Variants in AFF2 observed in about 807,000 individuals in gnomAD.
The protein encoded by AFF2 is ALF transcription elongation factor 2, also known as AF4/FMR2 family member 2.
AFF2 carries 14 observed loss-of-function variants against 76.9 expected under a neutral mutation model. The observed-to-expected ratio is 0.18, with a 90% confidence interval of 0.12 to 0.28. AFF2 has a LOEUF of 0.28. Among genes scored for constraint, AFF2 ranks in the 10% least tolerant of loss-of-function variants. The pLI is 1.00. For missense variants in AFF2, 868 were observed against 1,001.1 expected, an observed-to-expected ratio of 0.87 and a Z score of 1.79; for synonymous variants, 398 against 366.7, an observed-to-expected ratio of 1.09 and a Z score of -0.98.
At chrX:148,832,226 C>G (rs2124661049) in intron 4 of AFF2, among the ~76,000 whole-genome samples, 1 of 111,802 alleles carries the variant, frequency 8.9e-6, no homozygotes, top group East Asian at 2.8e-4. Flanking sequence ...GAGGGCCCCT[C>G]CAATGGAAGT....
intron 3 of AFF2, among the ~76,000 whole-genome samples, chrX:148,701,511 G>A (rs182589851): frequency 1.2e-3 from 135 of 112,092 alleles, no homozygotes; most frequent in Middle Eastern, 9.1e-3. Flanking sequence ...AATCCAGGAA[G>A]AATCTGCATT....
At position 148,662,321 on chromosome X, in the gene AFF2, C is replaced by G. The variant is rs2054315212; in HGVS notation, c.594C>G (p.Val198=). 8.3e-7 allele frequency: 1 copy of G among 1,210,330 alleles called. No homozygotes were observed. Among genetic ancestry groups the G allele is most frequent in the African/African-American group, 1.7e-5 (1 of 57,249 alleles). The part of the protein sequence containing the change: ...QSQAKLEDFF[V]YPAEQPQIGE... ...AAGCCAAACTGGAAGACTTCTTTGTCTACCCAGCTGAACAGCCCCAGATTG... is the reference window on the plus strand; with the variant it reads ...AAGCCAAACTGGAAGACTTCTTTGTGTACCCAGCTGAACAGCCCCAGATTG... Residue 198 remains valine, a synonymous_variant, in exon 3 of 21, where the codon GTC becomes GTG. Coordinates refer to ENST00000370460, the MANE Select transcript of AFF2 (RefSeq NM_002025.4).
At chrX:148,850,881 C>T (rs1222917413) in intron 7 of AFF2, among the ~76,000 whole-genome samples, 1 of 111,513 alleles carries the variant, frequency 9.0e-6, no homozygotes, top group Non-Finnish European at 1.9e-5. Flanking sequence ...GCCTTGTGCC[C>T]AGATTCCCCA....
chrX:148,929,195 T>C (rs1452705875), intron 9 of AFF2, among the ~76,000 whole-genome samples: 1 of 112,605 alleles, frequency 8.9e-6, no homozygotes, highest in Non-Finnish European at 1.9e-5. Context: ...TGCAAGTCTT[T>C]TAGCATGTAT....
At chrX:148,558,130 G>C (rs1229177360) in intron 1 of AFF2, among the ~76,000 whole-genome samples, 4 of 112,268 alleles carry the variant, frequency 3.6e-5, no homozygotes, top group African/African-American at 1.3e-4. Context: ...AGGAAGGACT[G>C]TTCAGCCATT....
chrX:148,524,123 C>CTGTGTGTGTG (rs59890095), intron 1 of AFF2, among the ~76,000 whole-genome samples: 20 of 83,463 alleles, frequency 2.4e-4, no homozygotes, highest in African/African-American at 1.0e-3. Flanking sequence ...CTCTCTCTCT[C>CTGTGTGTGTG]TGTGTGTGTG....
intron 19 of AFF2, among the ~76,000 whole-genome samples, chrX:148,983,739 T>G (rs782631584): frequency 5.5e-5 from 6 of 109,181 alleles, no homozygotes; most frequent in African/African-American, 2.0e-4. Flanking sequence ...AGTGCCTACC[T>G]TGTGTGAGAC....
intron 1 of AFF2, among the ~76,000 whole-genome samples, chrX:148,614,049 A>G (rs1208462843): frequency 2.7e-5 from 3 of 112,179 alleles, no homozygotes; most frequent in Non-Finnish European, 5.6e-5. Context: ...TAAATAAGAT[A>G]TGTAAGAATT....
intron 1 of AFF2, among the ~76,000 whole-genome samples, chrX:148,614,224 A>G (rs1557249873): frequency 8.9e-6 from 1 of 112,122 alleles, no homozygotes; most frequent in Non-Finnish European, 1.9e-5. Context: ...AGCTTAATTT[A>G]CACACAATTT....
chrX:148,707,761 T>C (rs2054904538), intron 3 of AFF2, among the ~76,000 whole-genome samples: 1 of 111,757 alleles, frequency 8.9e-6, no homozygotes, highest in Non-Finnish European at 1.9e-5. Context: ...TTCTTTAAAC[T>C]ACAATAAATC....
chrX:148,638,482 C>T (rs1431266370), intron 1 of AFF2, among the ~76,000 whole-genome samples: 1 of 111,570 alleles, frequency 9.0e-6, no homozygotes, highest in Admixed American at 9.5e-5. Flanking sequence ...CCAACCAGGT[C>T]CTTCCCTTGA....
Position 148,962,842 on chromosome X carries a change from G to A in AFF2, c.2818G>A (p.Asp940Asn), listed in dbSNP as rs782421920. 1 of 1,210,778 alleles carries A rather than the reference G, an allele frequency of 8.3e-7. No homozygotes were observed. Among genetic ancestry groups the A allele is most frequent in the Non-Finnish European group, 1.1e-6 (1 of 894,532 alleles). The change falls in exon 13 of 21, where the codon GAC becomes AAC. Residue 940 changes from aspartate (D) to asparagine (N), a missense_variant. Physicochemically the swap from Asp to Asn is conservative, Grantham distance 23. Transcript: ENST00000370460. The stretch of plus-strand genomic sequence containing the variant: ...TGGCAATAATGGTCCCTTTGGTCAA[G>A]ACAAAAACATCGCCATGACTGGACA... The part of the protein sequence containing the change: ...VSGNNGPFGQ[D>N]KNIAMTGQIT...
chrX:148,855,887 A>G, intron 7 of AFF2, among the ~76,000 whole-genome samples: 1 of 112,238 alleles, frequency 8.9e-6, no homozygotes, highest in Non-Finnish European at 1.9e-5. Context: ...CCTGGTACGT[A>G]GGAATTTTTT....
intron 3 of AFF2, among the ~76,000 whole-genome samples, chrX:148,671,839 G>A (rs1275455690): frequency 9.1e-6 from 1 of 109,655 alleles, no homozygotes; most frequent in Admixed American, 9.8e-5. Context: ...TGTAGACTCA[G>A]CACATAGCCT....
At chrX:148,667,161 G>A (rs2054368912) in intron 3 of AFF2, among the ~76,000 whole-genome samples, 2 of 112,174 alleles carry the variant, frequency 1.8e-5, no homozygotes, top group South Asian at 3.7e-4. Context: ...AAATGGTGTG[G>A]GATTTGTCTG....
At chrX:148,633,121 G>T (rs1184087341) in intron 1 of AFF2, among the ~76,000 whole-genome samples, 1 of 111,815 alleles carries the variant, frequency 8.9e-6, no homozygotes, top group African/African-American at 3.3e-5. Context: ...TCAAAAGTCA[G>T]AGTTCCAGGA....
chrX:148,759,759 G>T (rs781938110), intron 3 of AFF2, among the ~76,000 whole-genome samples: 1 of 112,015 alleles, frequency 8.9e-6, no homozygotes, highest in African/African-American at 3.2e-5. Context: ...ATTCTCCCTA[G>T]ATCTATCATA....
chrX:148,609,264 G>A (rs1370107174), intron 1 of AFF2, among the ~76,000 whole-genome samples: 1 of 111,763 alleles, frequency 8.9e-6, no homozygotes, highest in Non-Finnish European at 1.9e-5. Flanking sequence ...TCAGTCATGT[G>A]CAATGTATAA....
rs782672258 is a variant in AFF2 at position 148,991,183 on chromosome X, CCTAA to C, written c.3815-25_3815-22del. ...ATATTTTCATGATATCATATAAAGG[CCTAA>C]CTGAGAACTGCTCTGCTTTTCAGAA... On this transcript the variant is annotated intron_variant, in intron 20 of 20. Coordinates refer to ENST00000370460, the MANE Select transcript of AFF2 (RefSeq NM_002025.4). 6.8e-6 allele frequency: 8 copies of C among 1,173,214 alleles called. No individual in the cohort carries two copies. In the South Asian group the frequency reaches 7.9e-5, roughly 12 times the overall value.
Sources: allele counts gnomAD v4.1 joint callset (sites outside exome capture counted in the v4.1 genomes callset), GRCh38; gene constraint gnomAD v4.1.1; transcripts MANE v1.5; gene names NCBI Gene and HGNC (gene_info 2026-07-23, HGNC 2026-07-21).